GLIS3: variants seen among roughly 807,000 people sequenced by gnomAD.
The protein encoded by GLIS3 is GLIS family zinc finger 3.
GLIS3 carries 53 observed loss-of-function variants against 78.6 expected under a neutral mutation model. That is an observed-to-expected ratio of 0.67 (90% CI 0.54 to 0.85). The LOEUF (loss-of-function observed/expected upper bound fraction) is 0.85. GLIS3 is among the 40% of genes least tolerant of loss of function. The pLI is 0.00. For missense variants in GLIS3, 1,703 were observed against 1,231.1 expected, an observed-to-expected ratio of 1.38 and a Z score of -5.74; for synonymous variants, 684 against 509.9, an observed-to-expected ratio of 1.34 and a Z score of -4.60.
chr9:3,927,867 G>C (rs908019866), intron 6 of GLIS3, among the ~76,000 whole-genome samples: 1 of 152,170 alleles, frequency 6.6e-6, no homozygotes, highest in East Asian at 1.9e-4. Context: ...TTGGCACAGG[G>C]TTAAATTTAA....
At chr9:4,277,271 T>C (rs1187677185) in intron 2 of GLIS3, among the ~76,000 whole-genome samples, 1 of 152,164 alleles carries the variant, frequency 6.6e-6, no homozygotes, top group Non-Finnish European at 1.5e-5. Context: ...AATCAGTGTA[T>C]TTTAAAATCT....
intron 2 of GLIS3, among the ~76,000 whole-genome samples, chr9:4,237,632 CA>C (rs1822891198): frequency 6.6e-6 from 1 of 152,310 alleles, no homozygotes; most frequent in African/African-American, 2.4e-5. Flanking sequence ...ACCCCAATTC[CA>C]TAAATGTACA....
the GLIS3 span, among the ~76,000 whole-genome samples, chr9:4,389,345 T>C: frequency 1.3e-5 from 2 of 152,216 alleles, no homozygotes; most frequent in African/African-American, 4.8e-5. Context: ...AAGGAAGTAC[T>C]GGATTTCCCT....
In GLIS3 at chr9:3,896,776, A is replaced by G. The variant is rs1193185690; in HGVS notation, c.2128+1915T>C. On this transcript the variant is annotated intron_variant, in intron 7 of 10. Coordinates refer to ENST00000381971, the MANE Select transcript of GLIS3 (RefSeq NM_001042413.2). The stretch of plus-strand genomic sequence containing the variant: ...GCAACATGATCATCTGCATGTTTCA[A>G]GTGTTCTCAAGAGTTACGGAAAATG... Among the ~76,000 whole-genome samples the G allele has an allele frequency of 2.0e-5, 3 of 152,090 alleles. No individual in the cohort carries two copies. In the East Asian group the frequency reaches 5.8e-4, roughly 29 times the overall value.
chr9:4,247,417 T>C (rs911509714), intron 2 of GLIS3, among the ~76,000 whole-genome samples: 3 of 152,164 alleles, frequency 2.0e-5, no homozygotes, highest in South Asian at 2.1e-4. Context: ...TAATATAAAG[T>C]ATGCAAAAAT....
At chr9:4,304,527 T>C (rs187185762), upstream of GLIS3, among the ~76,000 whole-genome samples, 255 of 152,182 alleles carry the variant, frequency 1.7e-3, 7 homozygotes, top group Admixed American at 0.016. Context: ...CATCATACCC[T>C]GAATTCTAGC....
intron 5 of GLIS3, 51 bp from the exon 6 acceptor site, chr9:3,932,521 T>G (rs587571): frequency 7.4e-7 from 1 of 1,360,232 alleles, no homozygotes; most frequent in East Asian, 2.3e-5. Context: ...ATAAAGGTAA[T>G]TGGGGAATGT....
At chr9:4,190,925 G>C (rs1474764779) in intron 2 of GLIS3, among the ~76,000 whole-genome samples, 2 of 152,024 alleles carry the variant, frequency 1.3e-5, no homozygotes, top group Non-Finnish European at 1.5e-5. Flanking sequence ...TTCACATCCA[G>C]CCAAACTAAG....
At chr9:4,478,071 T>C in the GLIS3 span, among the ~76,000 whole-genome samples, 3 of 152,146 alleles carry the variant, frequency 2.0e-5, no homozygotes, top group Non-Finnish European at 4.4e-5. Context: ...TTTAGAGAAA[T>C]AACTGATTCC....
chr9:4,092,230 C>G (rs1432671537), intron 4 of GLIS3, among the ~76,000 whole-genome samples: 2 of 149,920 alleles, frequency 1.3e-5, no homozygotes, highest in Non-Finnish European at 2.9e-5. Flanking sequence ...CGGCTCACTG[C>G]AAGCCTCGCC....
chr9:4,441,766 C>A, the GLIS3 span, among the ~76,000 whole-genome samples: 1 of 152,054 alleles, frequency 6.6e-6, no homozygotes, highest in Non-Finnish European at 1.5e-5. Flanking sequence ...ACCATCAAAC[C>A]CAGCTCATTT....
chr9:4,249,559 T>C (rs577896018), intron 2 of GLIS3, among the ~76,000 whole-genome samples: 1 of 152,362 alleles, frequency 6.6e-6, no homozygotes, highest in South Asian at 2.1e-4. Context: ...TCATGTCATC[T>C]GCAAACAGAG....
At chr9:4,306,626 A>G (rs1817235120) in intron 4 of GLIS3, among the ~76,000 whole-genome samples, 1 of 152,164 alleles carries the variant, frequency 6.6e-6, no homozygotes, top group East Asian at 1.9e-4. Context: ...AGGCACCCAG[A>G]TTTTCCTGGA....
chr9:4,011,302 G>C (rs1821985155), intron 4 of GLIS3, among the ~76,000 whole-genome samples: 1 of 152,206 alleles, frequency 6.6e-6, no homozygotes, highest in African/African-American at 2.4e-5. Context: ...CCAGGGGAGA[G>C]AACAGGGTGA....
At position 3,829,369 on chromosome 9, in the gene GLIS3, A is replaced by C. The variant is rs1446769726; in HGVS notation, c.2597T>G (p.Met866Arg). Reference protein sequence around the residue: ...SFEDCLVPTSMGQASFDVFHR... With the variant: ...SFEDCLVPTSRGQASFDVFHR... Reference sequence around the variant, plus strand: ...GAAAACATCAAAACTGGCCTGGCCCATGGATGTAGGGACTAGGCAGTCCTC... The same window carrying C: ...GAAAACATCAAAACTGGCCTGGCCCCTGGATGTAGGGACTAGGCAGTCCTC... Residue 866 changes from methionine (M) to arginine (R), a missense_variant, in exon 10 of 11, where the codon ATG (methionine) becomes AGG (arginine). Coordinates refer to ENST00000381971, the MANE Select transcript of GLIS3 (RefSeq NM_001042413.2). The C allele has an allele frequency of 6.2e-7, 1 of 1,614,064 alleles. No individual in the cohort carries two copies. The highest frequency in any genetic ancestry group is 1.7e-5 in the Admixed American group (1 of 60,028).
the GLIS3 span, among the ~76,000 whole-genome samples, chr9:4,396,133 G>A: frequency 1.5e-4 from 22 of 146,800 alleles, no homozygotes; most frequent in African/African-American, 5.3e-4. Context: ...TTTTTTTTTA[G>A]ATGGAATCTC....
intron 2 of GLIS3, among the ~76,000 whole-genome samples, chr9:4,184,314 T>A (rs1817580795): frequency 6.6e-6 from 1 of 152,190 alleles, no homozygotes; most frequent in South Asian, 2.1e-4. Flanking sequence ...ACAAGGATGT[T>A]GTAAAGGAGA....
chr9:4,114,131 G>A (rs117766215), intron 4 of GLIS3, among the ~76,000 whole-genome samples: 1 of 152,144 alleles, frequency 6.6e-6, no homozygotes, highest in Non-Finnish European at 1.5e-5. Context: ...CAGAACCCTG[G>A]GTCCCTCTAC....
the GLIS3 span, among the ~76,000 whole-genome samples, chr9:4,375,958 C>G: frequency 6.6e-6 from 1 of 152,160 alleles, no homozygotes; most frequent in Non-Finnish European, 1.5e-5. Context: ...CACTTAACTT[C>G]TCAGTCTTTG....
Sources: allele counts gnomAD v4.1 joint callset (sites outside exome capture counted in the v4.1 genomes callset), GRCh38; gene constraint gnomAD v4.1.1; transcripts MANE v1.5; gene names NCBI Gene and HGNC (gene_info 2026-07-23, HGNC 2026-07-21).